The following EIF2B3 variants were observed in gnomAD, a reference collection of about 807,000 sequenced individuals.
EIF2B3 encodes translation initiation factor eIF2B subunit gamma.
Under a neutral mutation model 54.1 loss-of-function variants are expected in EIF2B3, and 20 were observed. The observed-to-expected ratio is 0.37, with a 90% CI of 0.26 to 0.54. EIF2B3 has a LOEUF of 0.54. Ranked by LOEUF, EIF2B3 falls within the 20% of genes least tolerant of loss-of-function variation. The pLI is 0.86. For synonymous variants in EIF2B3, 153 were observed against 188.1 expected, an observed-to-expected ratio of 0.81 and a Z score of 1.52; for missense variants, 448 against 547.8, an observed-to-expected ratio of 0.82 and a Z score of 1.82.
rs2148969112 is a variant in EIF2B3, at chr1:44,986,595, T to C, written c.-112A>G. Reference sequence around the variant, plus strand: ...CTCCCAGCGATCTCCACGCCGCCTCTGACTGACAGCCCAATGGCGCAGGCG... The same window carrying C: ...CTCCCAGCGATCTCCACGCCGCCTCCGACTGACAGCCCAATGGCGCAGGCG... On this transcript the variant is annotated 5_prime_UTR_variant, in exon 1 of 12. Coordinates refer to ENST00000360403, the MANE Select transcript of EIF2B3 (RefSeq NM_020365.5). 1 of 153,048 alleles carries C rather than the reference T, an allele frequency of 6.5e-6. No individual in the cohort carries two copies. Among genetic ancestry groups the C allele is most frequent in the African/African-American group, 2.4e-5 (1 of 41,618 alleles). 9.5% of individuals were successfully genotyped at this position (153,048 alleles called of 1,614,324 possible). A position where few individuals can be genotyped will look rare whatever the true frequency, so the allele number is the denominator to read the frequency against.
At chr1:44,894,455 CTA>C (rs1260779576) in intron 6 of EIF2B3, among the ~76,000 whole-genome samples, 1 of 152,118 alleles carries the variant, frequency 6.6e-6, no homozygotes, top group African/African-American at 2.4e-5. Context: ...TTATCTGTCA[CTA>C]CATCTCCTTT....
chr1:44,915,045 TC>T (rs1205215801), intron 5 of EIF2B3, among the ~76,000 whole-genome samples: 4 of 145,822 alleles, frequency 2.7e-5, no homozygotes, highest in Non-Finnish European at 6.0e-5. Context: ...ACACCTGTAA[TC>T]CCAGCACTTT....
rs765908113 is a variant in EIF2B3 at position 44,879,802 on chromosome 1, T to G, written c.975+16A>C. The G allele has an allele frequency of 1.1e-5, 18 of 1,612,182 alleles. No homozygotes were observed. In the South Asian group the frequency reaches 2.0e-4, roughly 18 times the overall value. On this transcript the variant is annotated intron_variant, in intron 8 of 11. Transcript: ENST00000360403. ...CTAGGACAAGAGCCCCATGATTTTC[T>G]AACTCATGCTCTCACCTGTCTGTTT...
chr1:44,892,244 G>A (rs1373788609), intron 6 of EIF2B3, among the ~76,000 whole-genome samples: 1 of 152,116 alleles, frequency 6.6e-6, no homozygotes, highest in Non-Finnish European at 1.5e-5. Flanking sequence ...TCTGCTTGCT[G>A]TCTCTTTACC....
chr1:44,900,659 A>C (rs1643273704), intron 5 of EIF2B3, among the ~76,000 whole-genome samples: 1 of 152,036 alleles, frequency 6.6e-6, no homozygotes, highest in Admixed American at 6.6e-5. Flanking sequence ...TTTAAAAAAA[A>C]CCAATCCCCT....
At chr1:44,939,299 C>T (rs1196281098) in intron 4 of EIF2B3, among the ~76,000 whole-genome samples, 6 of 152,040 alleles carry the variant, frequency 3.9e-5, no homozygotes, top group African/African-American at 1.2e-4. Context: ...ATTCACACTC[C>T]AGCTATAGAA....
intron 10 of EIF2B3, chr1:44,874,429 TGCCC>T: frequency 2.0e-6 from 1 of 507,634 alleles, no homozygotes. Flanking sequence ...GGATTCTTTT[TGCCC>T]TTTTTCTGAG....
intron 10 of EIF2B3, among the ~76,000 whole-genome samples, chr1:44,868,433 T>C (rs1370981086): frequency 6.8e-6 from 1 of 147,270 alleles, no homozygotes; most frequent in Non-Finnish European, 1.5e-5. Context: ...AAAGCTGTAG[T>C]GTCTTAGGGA....
At chr1:44,887,664 C>A (rs541090191) in intron 6 of EIF2B3, among the ~76,000 whole-genome samples, 2 of 152,142 alleles carry the variant, frequency 1.3e-5, no homozygotes, top group Non-Finnish European at 2.9e-5. Context: ...GAAGGCCGGG[C>A]GCGATGGCTC....
intron 6 of EIF2B3, among the ~76,000 whole-genome samples, chr1:44,887,449 T>C (rs1394275566): frequency 6.6e-6 from 1 of 152,228 alleles, no homozygotes; most frequent in Non-Finnish European, 1.5e-5. Flanking sequence ...TCCTTCATTT[T>C]TGGAAAACTG....
chr1:44,967,784 A>G (rs1435039383), intron 3 of EIF2B3, among the ~76,000 whole-genome samples: 1 of 150,686 alleles, frequency 6.6e-6, no homozygotes, highest in Non-Finnish European at 1.5e-5. Flanking sequence ...TCACGCCTGT[A>G]ATCCCAGCAC....
chr1:44,931,904 G>T (rs1202392080), intron 4 of EIF2B3, among the ~76,000 whole-genome samples: 1 of 152,080 alleles, frequency 6.6e-6, no homozygotes, highest in Non-Finnish European at 1.5e-5. Flanking sequence ...ATCATTTGAG[G>T]CTAGGAGTTC....
intron 3 of EIF2B3, chr1:44,972,705 T>C (rs1455814668): frequency 6.6e-6 from 1 of 152,336 alleles, no homozygotes; most frequent in Non-Finnish European, 1.5e-5. Flanking sequence ...TCTCCCTCTG[T>C]TGCCCAGGCT....
At chr1:44,957,227 T>C (rs1216164736) in intron 3 of EIF2B3, among the ~76,000 whole-genome samples, 2 of 145,112 alleles carry the variant, frequency 1.4e-5, no homozygotes, top group Non-Finnish European at 3.1e-5. Flanking sequence ...GATCGTGCCA[T>C]GGCACTCTAG....
rs1364245995 is a variant in EIF2B3, at chr1:44,939,571, GTTTAA to G, written c.454+1930_454+1934del. On this transcript the variant is annotated intron_variant, in intron 4 of 11. Transcript: ENST00000360403. ...ATTTGAGGGATGGATATGTTAACCT[GTTTAA>G]TTTAATTATTCCACATTGTATACAT... Among the ~76,000 whole-genome samples, 6 of 152,030 alleles carry G rather than the reference GTTTAA, an allele frequency of 3.9e-5. No individual in the cohort carries two copies. The South Asian group carries it at 6.2e-4, about 16-fold the overall frequency.
chr1:44,979,124 A>T (rs1469751411), intron 2 of EIF2B3, among the ~76,000 whole-genome samples: 7 of 147,560 alleles, frequency 4.7e-5, no homozygotes, highest in Non-Finnish European at 1.1e-4. Flanking sequence ...TTGTCTCTAT[A>T]AAAAAACTCC....
intron 5 of EIF2B3, among the ~76,000 whole-genome samples, chr1:44,910,620 C>G (rs57180038): frequency 0.071 from 10,534 of 147,998 alleles, 1,436 homozygotes; most frequent in African/African-American, 0.26. Flanking sequence ...TCCCCACCCC[C>G]CCAAGTAATG....
chr1:44,894,670 A>G (rs1275161765), intron 6 of EIF2B3, among the ~76,000 whole-genome samples: 1 of 152,154 alleles, frequency 6.6e-6, no homozygotes, highest in Non-Finnish European at 1.5e-5. Flanking sequence ...AAGGATTGCT[A>G]CAACAGTCCT....
intron 10 of EIF2B3, among the ~76,000 whole-genome samples, chr1:44,860,842 A>G (rs575310914): frequency 2.0e-5 from 3 of 152,286 alleles, no homozygotes; most frequent in East Asian, 3.9e-4. Flanking sequence ...AAACAAAACT[A>G]AGGAAAAATT....
Sources: gnomAD v4.1 joint callset for allele counts (sites outside exome capture counted in the v4.1 genomes callset) on GRCh38, gnomAD v4.1.1 for gene constraint, MANE v1.5 for transcripts, NCBI Gene and HGNC (gene_info 2026-07-23, HGNC 2026-07-21) for gene names.